Variants in TOP1 observed in about 807,000 individuals in gnomAD.
The protein encoded by TOP1 is DNA topoisomerase I.
A neutral mutation model predicts 111.1 loss-of-function variants in TOP1; 10 were observed. That is an observed-to-expected ratio of 0.09 (90% CI 0.06 to 0.15). The LOEUF (loss-of-function observed/expected upper bound fraction) is 0.15, where lower values mean the gene tolerates loss of function less well. Ranked by LOEUF, TOP1 falls within the 10% of genes least tolerant of loss-of-function variation. The probability of loss-of-function intolerance (pLI) is 1.00; values close to 1 mark genes in which losing one functional copy is unlikely to be tolerated. For missense variants in TOP1, 474 were observed against 926.7 expected (o/e 0.51, Z 6.34); for synonymous variants, 271 against 302.9 (o/e 0.89, Z 1.10).
chr20:41,072,909 G>C, intron 3 of TOP1: 1 of 985,438 alleles, frequency 1.0e-6, no homozygotes, highest in South Asian at 4.7e-5. Context: ...GAGTAGAGGA[G>C]ACTTGGCTTC....
chr20:41,118,672 T>G lies in TOP1; in HGVS notation c.1950+376T>G, dbSNP rs1029580590. Among the ~76,000 whole-genome samples the G allele has an allele frequency of 6.6e-6, 1 of 152,260 alleles. No individual in the cohort carries two copies. Among genetic ancestry groups the G allele is most frequent in the Non-Finnish European group, 1.5e-5 (1 of 68,048 alleles). ...AAATACAGCCATTTCCAAATTAGATTGTTTCAAATTGAAAAGATGATGAAA... is the reference window on the plus strand; with the variant it reads ...AAATACAGCCATTTCCAAATTAGATGGTTTCAAATTGAAAAGATGATGAAA... On this transcript the variant is annotated intron_variant, in intron 18 of 20. Transcript: ENST00000361337. This position sits in a 1 kb window ranked among gnomAD's most constrained non-coding sequence, Gnocchi z 4.6.
rs751681265 is a variant in TOP1, at chr20:41,100,275, A to AG, written c.1163+37dup. ...TCGCACTTCATCCTATGGGCCAAAA[A>AG]GGGGGTGGAGGGCGTCCTTTATTGT... is the stretch of plus-strand genomic sequence containing the variant. On this transcript the variant is annotated intron_variant, in intron 12 of 20. Coordinates refer to ENST00000361337, the MANE Select transcript of TOP1 (RefSeq NM_003286.4). This position sits in a 1 kb window ranked among gnomAD's most constrained non-coding sequence, Gnocchi z 4.4. 7.7e-6 allele frequency: 12 copies of AG among 1,568,298 alleles called. No individual in the cohort carries two copies. The highest frequency in any genetic ancestry group is 3.5e-5 in the Admixed American group (2 of 56,360).
rs1278094235 is a variant in TOP1, at chr20:41,069,585, A to T, written c.156-6586A>T. On this transcript the variant is annotated intron_variant, in intron 3 of 20. Transcript: ENST00000361337. This position sits in a 1 kb window ranked among gnomAD's most constrained non-coding sequence, Gnocchi z 4.1. The stretch of plus-strand genomic sequence containing the variant: ...CTTTATCAATCTTTCAAGTTTGTTT[A>T]TGCACATGACAGCTCTTTGGGAACT... Among the ~76,000 whole-genome samples, 4 of 152,220 alleles carry T rather than the reference A, an allele frequency of 2.6e-5. No individual in the cohort carries two copies. The highest frequency in any genetic ancestry group is 9.7e-5 in the African/African-American group (4 of 41,448).
At position 41,058,701 on chromosome 20, in the gene TOP1, G is replaced by T. The variant is rs1192266151; in HGVS notation, c.59-2693G>T. 2.6e-5 allele frequency among the ~76,000 whole-genome samples: 4 copies of T among 152,140 alleles called. No individual in the cohort carries two copies. Among genetic ancestry groups the T allele is most frequent in the Non-Finnish European group, 1.5e-5 (1 of 68,026 alleles). On this transcript the variant is annotated intron_variant, in intron 2 of 20. Coordinates refer to ENST00000361337, the MANE Select transcript of TOP1 (RefSeq NM_003286.4). The surrounding 1 kb of genome is among the most constrained non-coding windows in gnomAD (Gnocchi z 4.2). ...GTCACAGTGTCCAGCCCACACTCAAGGGGAGGGGAATTAGGCTATACCTCT... is the reference window on the plus strand; with the variant it reads ...GTCACAGTGTCCAGCCCACACTCAATGGGAGGGGAATTAGGCTATACCTCT...
chr20:41,118,507 C>T lies in TOP1; in HGVS notation c.1950+211C>T, dbSNP rs908681332. 8.5e-5 allele frequency among the ~76,000 whole-genome samples: 13 copies of T among 152,302 alleles called. No homozygotes were observed. The highest frequency in any genetic ancestry group is 6.2e-4 in the South Asian group (3 of 4,820). Reference sequence around the variant, plus strand: ...CATTATTCAAGAAATCTTTATTCTACGCATAGAAGTTCTATACTGGCCACT... The same window carrying T: ...CATTATTCAAGAAATCTTTATTCTATGCATAGAAGTTCTATACTGGCCACT... On this transcript the variant is annotated intron_variant, in intron 18 of 20. Transcript: ENST00000361337. This position sits in a 1 kb window ranked among gnomAD's most constrained non-coding sequence, Gnocchi z 4.6.
chr20:41,054,886 A>G (rs1466029123), intron 2 of TOP1, among the ~76,000 whole-genome samples: 1 of 152,140 alleles, frequency 6.6e-6, no homozygotes, highest in African/African-American at 2.4e-5. Flanking sequence ...GCTACCTAAC[A>G]TCTATTCCTA....
rs1292373824 is a variant in TOP1, at chr20:41,110,559, G to T, written c.1309-2223G>T. Among the ~76,000 whole-genome samples, 1 of 152,156 alleles carries T rather than the reference G, an allele frequency of 6.6e-6. No homozygotes were observed. The highest frequency in any genetic ancestry group is 1.5e-5 in the Non-Finnish European group (1 of 68,030). ...CTTTGTAATCTTGAATCCAGATCCT[G>T]ATTCCACCCAACCACTCTGCTGAAT... On this transcript the variant is annotated intron_variant, in intron 13 of 20. Transcript: ENST00000361337. The surrounding 1 kb of genome is among the most constrained non-coding windows in gnomAD (Gnocchi z 4.2).
At chr20:41,105,052 T>A (rs1354578343) in intron 13 of TOP1, among the ~76,000 whole-genome samples, 1 of 152,218 alleles carries the variant, frequency 6.6e-6, no homozygotes, top group Non-Finnish European at 1.5e-5. Context: ...ATGTGCTCAA[T>A]TGTTTTATTT....
In TOP1 at chr20:41,078,540, GT is replaced by G. The variant is rs1206584700; in HGVS notation, c.335+906del. On this transcript the variant is annotated intron_variant, in intron 5 of 20. Transcript: ENST00000361337. The surrounding 1 kb of genome is among the most constrained non-coding windows in gnomAD (Gnocchi z 5.3). ...AAAAGCAGGTGCCCTCTTCAGGCAT[GT>G]TTCATAATTGTTCTAGGAATGCAGA... Among the ~76,000 whole-genome samples, 1 of 152,204 alleles carries G rather than the reference GT, an allele frequency of 6.6e-6. No homozygotes were observed. The highest frequency in any genetic ancestry group is 1.5e-5 in the Non-Finnish European group (1 of 68,030).
In TOP1 at chr20:41,029,024, C is replaced by T. The variant is rs1018529950; in HGVS notation, c.-44C>T. On this transcript the variant is annotated 5_prime_UTR_variant, in exon 1 of 21. Coordinates refer to ENST00000361337, the MANE Select transcript of TOP1 (RefSeq NM_003286.4). This position sits in a 1 kb window ranked among gnomAD's most constrained non-coding sequence, Gnocchi z 6.1. ...GGCCGGTTCGCCGTCTGCGTCTCCC[C>T]CACGCCGCCTCGCCTGCCGCCGCGC... 3.3e-6 allele frequency: 5 copies of T among 1,532,030 alleles called. No individual in the cohort carries two copies. The Admixed American group carries it at 7.6e-5, about 23-fold the overall frequency. The allele number at this position is 1,532,030 out of a possible 1,614,324, so 94.9% of individuals were successfully genotyped here. A position where few individuals can be genotyped will look rare whatever the true frequency, so the allele number is the denominator to read the frequency against.
In TOP1 at chr20:41,100,934, C is replaced by T. The variant is rs1600590159; in HGVS notation, c.1164-275C>T. On this transcript the variant is annotated intron_variant, in intron 12 of 20. Transcript: ENST00000361337. This position sits in a 1 kb window ranked among gnomAD's most constrained non-coding sequence, Gnocchi z 4.4. ...TATGTTGTATATATGGTTCACGCAT[C>T]CCAGGTGGGACTACAAGAGATTTCA... 4 of 426,296 alleles carry T rather than the reference C, an allele frequency of 9.4e-6. No individual in the cohort carries two copies. The East Asian group carries it at 1.6e-4, about 17-fold the overall frequency. 26.4% of individuals were successfully genotyped at this position (426,296 alleles called of 1,614,324 possible). A position where few individuals can be genotyped will look rare whatever the true frequency, so the allele number is the denominator to read the frequency against.
At position 41,094,787 on chromosome 20, in the gene TOP1, C is replaced by T. The variant is rs897249846; in HGVS notation, c.730+2200C>T. Reference sequence around the variant, plus strand: ...GCCAGGGAGGTGGGGCATGGGCTAGCTGAAGCAGTGAATTACTGCCTTCTC... The same window carrying T: ...GCCAGGGAGGTGGGGCATGGGCTAGTTGAAGCAGTGAATTACTGCCTTCTC... On this transcript the variant is annotated intron_variant, in intron 9 of 20. Coordinates refer to ENST00000361337, the MANE Select transcript of TOP1 (RefSeq NM_003286.4). The surrounding 1 kb of genome is among the most constrained non-coding windows in gnomAD (Gnocchi z 4.4). 8.5e-5 allele frequency among the ~76,000 whole-genome samples: 13 copies of T among 152,180 alleles called. No individual in the cohort carries two copies. The highest frequency in any genetic ancestry group is 3.1e-4 in the African/African-American group (13 of 41,446).
chr20:41,069,876 G>A lies in TOP1; in HGVS notation c.156-6295G>A, dbSNP rs6029536. On this transcript the variant is annotated intron_variant, in intron 3 of 20. Transcript: ENST00000361337. The surrounding 1 kb of genome is among the most constrained non-coding windows in gnomAD (Gnocchi z 4.1). ...CAAAGATGGTTAAAATTTTGCTAAC[G>A]GAAAGTAATGGTTAGAAAGAAAAAC... Among the ~76,000 whole-genome samples, 1 of 152,086 alleles carries A rather than the reference G, an allele frequency of 6.6e-6. No homozygotes were observed. Among genetic ancestry groups the A allele is most frequent in the Non-Finnish European group, 1.5e-5 (1 of 68,008 alleles).
At position 41,029,016 on chromosome 20, in the gene TOP1, C is replaced by A; in HGVS notation, c.-52C>A. 6.6e-7 allele frequency: 1 copy of A among 1,512,160 alleles called. No homozygotes were observed. Among genetic ancestry groups the A allele is most frequent in the Non-Finnish European group, 8.9e-7 (1 of 1,126,044 alleles). 93.7% of individuals were successfully genotyped at this position (1,512,160 alleles called of 1,614,324 possible). ...CCCGCACAGGCCGGTTCGCCGTCTG[C>A]GTCTCCCCCACGCCGCCTCGCCTGC... is the stretch of plus-strand genomic sequence containing the variant. On this transcript the variant is annotated 5_prime_UTR_variant, in exon 1 of 21. Transcript: ENST00000361337. This position sits in a 1 kb window ranked among gnomAD's most constrained non-coding sequence, Gnocchi z 6.1.
intron 4 of TOP1, among the ~76,000 whole-genome samples, chr20:41,076,551 G>A (rs2033729488): frequency 6.6e-6 from 1 of 152,124 alleles, no homozygotes; most frequent in African/African-American, 2.4e-5. Flanking sequence ...GAATGCATTA[G>A]GGAAAATTAA....
intron 2 of TOP1, among the ~76,000 whole-genome samples, chr20:41,045,560 G>A (rs1241789603): frequency 2.0e-5 from 3 of 152,170 alleles, no homozygotes; most frequent in Admixed American, 1.3e-4. Context: ...GGTAGGTTAT[G>A]TCTGTTGCGT....
chr20:41,123,132 G>A lies in TOP1; in HGVS notation c.2196-63G>A, dbSNP rs188555550. On this transcript the variant is annotated intron_variant, in intron 20 of 20. Coordinates refer to ENST00000361337, the MANE Select transcript of TOP1 (RefSeq NM_003286.4). The surrounding 1 kb of genome is among the most constrained non-coding windows in gnomAD (Gnocchi z 5.8). Reference sequence around the variant, plus strand: ...GAGAAGATGGAACATCTGACCCTGGGCCTCAGATATGGGCCATTGCTGAGT... The same window carrying A: ...GAGAAGATGGAACATCTGACCCTGGACCTCAGATATGGGCCATTGCTGAGT... The A allele has an allele frequency of 4.7e-4, 514 of 1,087,522 alleles. 3 individuals are homozygous for A. In the African/African-American group the frequency reaches 6.9e-3, roughly 15 times the overall value. 67.4% of individuals were successfully genotyped at this position (1,087,522 alleles called of 1,614,324 possible). A position where few individuals can be genotyped will look rare whatever the true frequency, so the allele number is the denominator to read the frequency against.
chr20:41,101,525 A>G lies in TOP1; in HGVS notation c.1308+172A>G. 6.6e-6 allele frequency among the ~76,000 whole-genome samples: 1 copy of G among 152,176 alleles called. No homozygotes were observed. Among genetic ancestry groups the G allele is most frequent in the East Asian group, 1.9e-4 (1 of 5,202 alleles). On this transcript the variant is annotated intron_variant, in intron 13 of 20. Transcript: ENST00000361337. The surrounding 1 kb of genome is among the most constrained non-coding windows in gnomAD (Gnocchi z 4.1). ...ATGGTGATCTTCCTACAGTGCCTCC[A>G]TTTTTTTGGTCACATTGTAATCTTA...
rs2034148183 is a variant in TOP1, at chr20:41,106,523, GA to G, written c.1308+5172del. On this transcript the variant is annotated intron_variant, in intron 13 of 20. Transcript: ENST00000361337. The surrounding 1 kb of genome is among the most constrained non-coding windows in gnomAD (Gnocchi z 4.3). ...CAATACAATTGAGTTTCCAATTCAC[GA>G]ACATGTTATACCTCTCCATTAATTC... 6.6e-6 allele frequency among the ~76,000 whole-genome samples: 1 copy of G among 152,042 alleles called. No individual in the cohort carries two copies. Among genetic ancestry groups the G allele is most frequent in the Non-Finnish European group, 1.5e-5 (1 of 68,006 alleles).
Sources: allele counts gnomAD v4.1 joint callset (sites outside exome capture counted in the v4.1 genomes callset), GRCh38; gene constraint gnomAD v4.1.1; non-coding constraint Gnocchi (gnomAD v3.1); transcripts MANE v1.5; gene names NCBI Gene and HGNC (gene_info 2026-07-23, HGNC 2026-07-21).